Variants in COL24A1 observed in about 807,000 individuals in gnomAD.
The protein encoded by COL24A1 is collagen alpha-1(XXIV) chain.
A neutral mutation model predicts 253.9 loss-of-function variants in COL24A1; 224 were observed. The ratio of observed to expected loss-of-function variants is 0.88; its 90% CI spans 0.79 to 0.99. The LOEUF is 0.99. COL24A1 is among the 50% of genes least tolerant of loss of function. The probability of loss-of-function intolerance (pLI) is 0.00; values close to 1 mark genes in which losing one functional copy is unlikely to be tolerated. For missense variants in COL24A1, 2,131 were observed against 2,068.5 expected (o/e 1.03, Z -0.59); for synonymous variants, 685 against 673.7 (o/e 1.02, Z -0.26).
At chr1:85,739,966 G>A (rs1184298537) in intron 57 of COL24A1, among the ~76,000 whole-genome samples, 1 of 151,874 alleles carries the variant, frequency 6.6e-6, no homozygotes, top group Non-Finnish European at 1.5e-5. Flanking sequence ...CTTTCATCGG[G>A]ACCTACTATC....
intron 53 of COL24A1, among the ~76,000 whole-genome samples, chr1:85,769,525 C>T (rs1342387910): frequency 6.6e-6 from 1 of 151,816 alleles, no homozygotes; most frequent in East Asian, 1.9e-4. Flanking sequence ...GCATGCCTGC[C>T]CCGAGAAATG....
chr1:85,843,172 A>C (rs2102266583), intron 39 of COL24A1, among the ~76,000 whole-genome samples: 1 of 152,290 alleles, frequency 6.6e-6, no homozygotes, highest in South Asian at 2.1e-4. Context: ...ACTAGAACTA[A>C]GTCTCTTGAT....
intron 24 of COL24A1, among the ~76,000 whole-genome samples, chr1:85,926,167 A>G (rs1250517029): frequency 6.6e-6 from 1 of 152,242 alleles, no homozygotes; most frequent in Non-Finnish European, 1.5e-5. Flanking sequence ...TTAAAAAGTC[A>G]GGAAACAACA....
chr1:86,147,766 T>A (rs1159013893), intron 1 of COL24A1, among the ~76,000 whole-genome samples: 4 of 152,372 alleles, frequency 2.6e-5, no homozygotes, highest in Non-Finnish European at 5.9e-5. Flanking sequence ...TGTTTATATT[T>A]ACAATGTTAT....
chr1:85,775,659 T>C lies in COL24A1; in HGVS notation c.4374+15A>G. On this transcript the variant is annotated intron_variant, in intron 53 of 59. Coordinates refer to ENST00000370571, the MANE Select transcript of COL24A1 (RefSeq NM_152890.7). ...GTGTCAGGGTTACTATAATCACAAA[T>C]TTAGTTAAACTTACAGTTTCACCTC... 6.2e-7 allele frequency: 1 copy of C among 1,603,826 alleles called. No homozygotes were observed. The highest frequency in any genetic ancestry group is 8.5e-7 in the Non-Finnish European group (1 of 1,175,876).
intron 43 of COL24A1, among the ~76,000 whole-genome samples, chr1:85,827,793 T>C (rs376815042): frequency 6.6e-6 from 1 of 151,886 alleles, no homozygotes. Context: ...TTTTTTATTG[T>C]GTCTGTTTGA....
intron 24 of COL24A1, among the ~76,000 whole-genome samples, chr1:85,923,854 C>T (rs1364961370): frequency 6.6e-6 from 1 of 151,972 alleles, no homozygotes; most frequent in Non-Finnish European, 1.5e-5. Flanking sequence ...GACACAAAAA[C>T]CCTTCAAAAA....
intron 6 of COL24A1, 114 bp downstream of exon 6, chr1:86,092,153 T>G (rs886285505): frequency 1.3e-6 from 1 of 746,650 alleles, no homozygotes; most frequent in Non-Finnish European, 2.1e-6. Context: ...CAACAATTAA[T>G]TCTCATGTTT....
At chr1:86,063,461 A>C (rs1330607618) in intron 8 of COL24A1, among the ~76,000 whole-genome samples, 2 of 152,156 alleles carry the variant, frequency 1.3e-5, no homozygotes, top group South Asian at 4.1e-4. Flanking sequence ...TCTGTGAACT[A>C]CAGAAGTTTA....
intron 33 of COL24A1, 59 bp downstream of exon 33, chr1:85,877,063 C>G: frequency 8.4e-7 from 1 of 1,192,002 alleles, no homozygotes. Flanking sequence ...TTAATTTTAC[C>G]TTAGAGTCTT....
intron 5 of COL24A1, among the ~76,000 whole-genome samples, chr1:86,105,422 A>G (rs1704878700): frequency 6.6e-6 from 1 of 152,160 alleles, no homozygotes; most frequent in African/African-American, 2.4e-5. Context: ...GCACAGTCCA[A>G]CAGTGCAGGA....
At chr1:86,035,782 C>A (rs950435378) in intron 12 of COL24A1, among the ~76,000 whole-genome samples, 14 of 152,052 alleles carry the variant, frequency 9.2e-5, no homozygotes, top group Admixed American at 2.0e-4. Context: ...AGTGGGATTG[C>A]TGAAAAACCT....
intron 19 of COL24A1, among the ~76,000 whole-genome samples, chr1:86,000,863 C>T (rs1488579677): frequency 6.6e-6 from 1 of 152,180 alleles, no homozygotes; most frequent in Admixed American, 6.5e-5. Context: ...GGCTTAATAG[C>T]TGAATCAACA....
chr1:86,142,625 C>T (rs1651323292), intron 2 of COL24A1, among the ~76,000 whole-genome samples: 1 of 150,250 alleles, frequency 6.7e-6, no homozygotes, highest in South Asian at 2.1e-4. Flanking sequence ...AAAAATCTCA[C>T]ATAAAGTAGT....
intron 55 of COL24A1, among the ~76,000 whole-genome samples, chr1:85,746,527 T>C (rs1665232843): frequency 6.6e-6 from 1 of 152,030 alleles, no homozygotes; most frequent in African/African-American, 2.4e-5. Context: ...ATCTCAAAAA[T>C]CCTAATTACC....
rs1488002497 is a variant in COL24A1, at chr1:86,026,917, GAA to G, written c.2050-3912_2050-3911del. Among the ~76,000 whole-genome samples the G allele has an allele frequency of 3.9e-5, 6 of 152,264 alleles. No homozygotes were observed. In the East Asian group the frequency reaches 1.2e-3, roughly 29 times the overall value. ...AGCTGAGGTGGTCTCAGGGTAAGAT[GAA>G]AAACTTCCCAGGAACTACAGTAAGG... is the stretch of plus-strand genomic sequence containing the variant. On this transcript the variant is annotated intron_variant, in intron 14 of 59. Coordinates refer to ENST00000370571, the MANE Select transcript of COL24A1 (RefSeq NM_152890.7).
rs139328002 is a variant in COL24A1 at position 85,823,798 on chromosome 1, G to A, written c.3682-60C>T. The A allele has an allele frequency of 9.9e-4, 1,423 of 1,432,538 alleles. 19 individuals are homozygous for A. The East Asian group carries it at 0.026, about 26-fold the overall frequency. 88.7% of individuals were successfully genotyped at this position (1,432,538 alleles called of 1,614,324 possible). A position where few individuals can be genotyped will look rare whatever the true frequency, so the allele number is the denominator to read the frequency against. ...TAGAGACATGTGACTTAAGAGAATA[G>A]GATACTATCACTTAAAATGGTAGCA... On this transcript the variant is annotated intron_variant, in intron 43 of 59. Coordinates refer to ENST00000370571, the MANE Select transcript of COL24A1 (RefSeq NM_152890.7).
chr1:85,856,024 G>A (rs1248106877), intron 37 of COL24A1, among the ~76,000 whole-genome samples: 2 of 152,018 alleles, frequency 1.3e-5, no homozygotes, highest in South Asian at 2.1e-4. Context: ...GTATTTCCGT[G>A]GTATTGATGG....
chr1:85,891,209 C>A (rs1353294014), intron 31 of COL24A1, among the ~76,000 whole-genome samples: 1 of 148,512 alleles, frequency 6.7e-6, no homozygotes, highest in Non-Finnish European at 1.5e-5. Context: ...CGCCACCACG[C>A]CCGGCTAATT....
Sources: gnomAD v4.1 joint callset for allele counts (sites outside exome capture counted in the v4.1 genomes callset) on GRCh38, gnomAD v4.1.1 for gene constraint, MANE v1.5 for transcripts, NCBI Gene and HGNC (gene_info 2026-07-23, HGNC 2026-07-21) for gene names.